KIF23: variants seen among roughly 807,000 people sequenced by gnomAD.
KIF23 encodes the protein kinesin-like protein KIF23.
KIF23 carries 30 observed loss-of-function variants against 137.5 expected under a neutral mutation model. The observed-to-expected ratio is 0.22, with a 90% confidence interval of 0.16 to 0.30. The LOEUF (loss-of-function observed/expected upper bound fraction) is 0.30, where lower values mean the gene tolerates loss of function less well. KIF23 is among the 10% of genes least tolerant of loss of function. KIF23 has a pLI of 1.00. For missense variants in KIF23, 920 were observed against 1,194.3 expected (o/e 0.77, Z 3.38); for synonymous variants, 367 against 391.1 (o/e 0.94, Z 0.73).
chr15:69,438,043 C>T (rs1313047330), intron 15 of KIF23, among the ~76,000 whole-genome samples: 1 of 152,176 alleles, frequency 6.6e-6, no homozygotes, highest in African/African-American at 2.4e-5. Context: ...ATTTTTTCAG[C>T]ATTTAACAGA....
At chr15:69,447,296 A>G (rs1459181028) in intron 23 of KIF23, among the ~76,000 whole-genome samples, 5 of 152,150 alleles carry the variant, frequency 3.3e-5, no homozygotes, top group Non-Finnish European at 7.4e-5. Context: ...CTTTGTGTAA[A>G]TCATTGTTTC....
At position 69,417,489 on chromosome 15, in the gene KIF23, A is replaced by G. The variant is rs764133950; in HGVS notation, c.188A>G (p.Asn63Ser). 50 of 1,613,700 alleles carry G rather than the reference A, an allele frequency of 3.1e-5. No homozygotes were observed. The highest frequency in any genetic ancestry group is 4.0e-5 in the Non-Finnish European group (47 of 1,179,806). Residue 63 changes from asparagine to serine, a missense_variant, in exon 3 of 24, where the codon AAC becomes AGC. This residue lies in a region of KIF23 where 124 missense variants were observed against 122.0 expected (regional missense o/e 1.02). Transcript: ENST00000679126. ...QLHTPEGYRLNRNGDYKETQY... is the reference protein window; with the variant it reads ...QLHTPEGYRLSRNGDYKETQY... Reference sequence around the variant, plus strand: ...CATACTCCTGAGGGCTACAGACTCAACCGAAATGGAGACTATAAGGAGGTA... The same window carrying G: ...CATACTCCTGAGGGCTACAGACTCAGCCGAAATGGAGACTATAAGGAGGTA...
intron 3 of KIF23, among the ~76,000 whole-genome samples, chr15:69,419,568 A>G (rs1305367818): frequency 1.3e-5 from 2 of 152,146 alleles, no homozygotes; most frequent in Non-Finnish European, 2.9e-5. Flanking sequence ...CTCGGGTTGT[A>G]TAGACTACCC....
At chr15:69,447,065 C>T (rs2057755909) in intron 23 of KIF23, 124 bp downstream of exon 23, 1 of 928,446 alleles carries the variant, frequency 1.1e-6, no homozygotes, top group Admixed American at 1.9e-5. Context: ...TTGGTTTTCC[C>T]CTTGGACTAT....
Position 69,421,653 on chromosome 15 carries a change from T to C in KIF23, c.217T>C (p.Tyr73His). 6.2e-7 allele frequency: 1 copy of C among 1,603,232 alleles called. No homozygotes were observed. The highest frequency in any genetic ancestry group is 1.3e-5 in the African/African-American group (1 of 74,780). The change falls in exon 4 of 24, where the codon TAT becomes CAT. Residue 73 changes from tyrosine to histidine, a missense_variant. Transcript: ENST00000679126. The part of the protein sequence containing the change: ...NRNGDYKETQ[Y>H]SFKQVFGTHT... ...TTTTTTTCTCTCTCCACAGACTCAG[T>C]ATTCATTTAAACAAGTATTTGGCAC...
chr15:69,417,452 A>T lies in KIF23; in HGVS notation c.151A>T (p.Thr51Ser). 1 of 1,613,904 alleles carries T rather than the reference A, an allele frequency of 6.2e-7. No individual in the cohort carries two copies. Among genetic ancestry groups the T allele is most frequent in the Non-Finnish European group, 8.5e-7 (1 of 1,179,874 alleles). Residue 51 changes from threonine to serine, a missense_variant, in exon 3 of 24, where the codon ACT becomes TCT. Around this residue, in one of 4 missense-constraint regions of KIF23, gnomAD observed 124 missense variants for 122.0 expected, o/e 1.02. Transcript: ENST00000679126. ...ECCIEVINNT[T>S]VQLHTPEGYR... ...TTGCATAGAAGTGATCAATAATACA[A>T]CTGTTCAGCTTCATACTCCTGAGGG... is the stretch of plus-strand genomic sequence containing the variant.
chr15:69,418,545 A>G (rs982770451), intron 3 of KIF23, among the ~76,000 whole-genome samples: 4 of 152,120 alleles, frequency 2.6e-5, no homozygotes, highest in African/African-American at 9.7e-5. Flanking sequence ...CCTTATAACT[A>G]GTTCATTAGT....
Position 69,426,066 on chromosome 15 carries a change from A to G in KIF23, c.777-4A>G, listed in dbSNP as rs970861719. 3.9e-6 allele frequency: 6 copies of G among 1,558,364 alleles called. No homozygotes were observed. Among genetic ancestry groups the G allele is most frequent in the African/African-American group, 1.4e-5 (1 of 71,578 alleles). ...GAGACTAATCTTTTTTTTCTTTCCCATAGACCTCCACAATCTAAATTGCTT... is the reference window on the plus strand; with the variant it reads ...GAGACTAATCTTTTTTTTCTTTCCCGTAGACCTCCACAATCTAAATTGCTT... On this transcript the variant is annotated splice_region_variant and splice_polypyrimidine_tract_variant and intron_variant, in intron 8 of 23. Coordinates refer to ENST00000679126, the MANE Select transcript of KIF23 (RefSeq NM_001367805.3).
rs778957788 is a variant in KIF23, at chr15:69,444,600, A to C, written c.2422-190A>C. ...AGGGAAACTCCCAGATAGAATGTGT[A>C]ACATACAAGTTGGTGTTAAAGATGT... On this transcript the variant is annotated intron_variant, in intron 19 of 23. Transcript: ENST00000679126. The surrounding 1 kb of genome is among the most constrained non-coding windows in gnomAD (Gnocchi z 4.2). The C allele has an allele frequency of 1.4e-5, 8 of 589,714 alleles. No individual in the cohort carries two copies. Among genetic ancestry groups the C allele is most frequent in the Non-Finnish European group, 2.0e-5 (7 of 345,350 alleles). 36.5% of individuals were successfully genotyped at this position (589,714 alleles called of 1,614,324 possible).
At position 69,436,579 on chromosome 15, in the gene KIF23, A is replaced by G. The variant is rs200373079; in HGVS notation, c.1454A>G (p.Asp485Gly). 54 of 1,608,214 alleles carry G rather than the reference A, an allele frequency of 3.4e-5. No homozygotes were observed. Among genetic ancestry groups the G allele is most frequent in the Non-Finnish European group, 4.5e-5 (53 of 1,177,714 alleles). The change falls in exon 15 of 24, where the codon GAC (aspartate) becomes GGC (glycine). Residue 485 changes from aspartate (D) to glycine (G), a missense_variant. Asp to Gly is a moderately conservative substitution (Grantham distance 94, BLOSUM62 -1). This residue lies in a region of KIF23 where 714 missense variants were observed against 866.2 expected (regional missense o/e 0.82). Transcript: ENST00000679126. ...GPVGNEPLVT[D>G]VVLQSFPPLP... ...TTCAATACAGAACCATTGGTTACTG[A>G]CGTGGTTTTGCAGAGTTTTCCACCT...
chr15:69,434,580 C>T, intron 11 of KIF23: 1 of 1,158,210 alleles, frequency 8.6e-7, no homozygotes, highest in South Asian at 1.2e-5. Flanking sequence ...GTCAAGATAA[C>T]ATCTCCTTCT....
intron 6 of KIF23, 54 bp downstream of exon 6, chr15:69,422,489 T>C (rs1361579941): frequency 5.8e-6 from 6 of 1,029,606 alleles, no homozygotes; most frequent in Non-Finnish European, 9.1e-6. Flanking sequence ...GATTCTTTCC[T>C]GTGGTTTGCC....
At chr15:69,446,165 G>C in intron 21 of KIF23, 74 bp downstream of exon 21, 1 of 1,445,214 alleles carries the variant, frequency 6.9e-7, no homozygotes, top group Non-Finnish European at 9.7e-7. Context: ...GAACAGAATA[G>C]CCTGTGAAAT....
rs780846631 is a variant in KIF23 at position 69,441,028 on chromosome 15, G to A, written c.2370G>A (p.Val790=). 33 of 1,613,836 alleles carry A rather than the reference G, an allele frequency of 2.0e-5. No individual in the cohort carries two copies. Among genetic ancestry groups the A allele is most frequent in the Non-Finnish European group, 2.6e-5 (31 of 1,179,888 alleles). ...RGMYWTEGRE[V]VPTFRNEIEI... is the part of the protein sequence containing the mutation. ...TGTACTGGACTGAAGGCAGGGAGGT[G>A]GTTCCTACATTCAGAAATGAGATAG... Residue 790 remains valine (V), a synonymous_variant, in exon 19 of 24, where the codon GTG becomes GTA. Coordinates refer to ENST00000679126, the MANE Select transcript of KIF23 (RefSeq NM_001367805.3).
chr15:69,440,170 T>A, intron 17 of KIF23, 93 bp downstream of exon 17: 3 of 1,512,914 alleles, frequency 2.0e-6, no homozygotes, highest in Non-Finnish European at 2.7e-6. Context: ...GTATTTGCGG[T>A]AGGGTTTTGG....
chr15:69,444,377 C>G lies in KIF23; in HGVS notation c.2422-413C>G, dbSNP rs1036992227. ...GATTGTTTTCTGTTTTGTTTAGAAG[C>G]CTAGAAAATGTGTAGGGCTTTCATT... On this transcript the variant is annotated intron_variant, in intron 19 of 23. Coordinates refer to ENST00000679126, the MANE Select transcript of KIF23 (RefSeq NM_001367805.3). The surrounding 1 kb of genome is among the most constrained non-coding windows in gnomAD (Gnocchi z 4.2). The G allele has an allele frequency of 6.4e-6, 1 of 156,576 alleles. No individual in the cohort carries two copies. Among genetic ancestry groups the G allele is most frequent in the Admixed American group, 6.4e-5 (1 of 15,540 alleles). The allele number at this position is 156,576 out of a possible 1,614,324, so 9.7% of individuals were successfully genotyped here. A position where few individuals can be genotyped will look rare whatever the true frequency, so the allele number is the denominator to read the frequency against.
Position 69,421,670 on chromosome 15 carries a change from A to G in KIF23, c.234A>G (p.Val78=). 1 of 1,613,050 alleles carries G rather than the reference A, an allele frequency of 6.2e-7. No individual in the cohort carries two copies. The highest frequency in any genetic ancestry group is 8.5e-7 in the Non-Finnish European group (1 of 1,179,100). Residue 78 remains valine, a synonymous_variant, in exon 4 of 24, where the codon GTA becomes GTG. Coordinates refer to ENST00000679126, the MANE Select transcript of KIF23 (RefSeq NM_001367805.3). ...AGACTCAGTATTCATTTAAACAAGT[A>G]TTTGGCACTCACACCACCCAGAAGG... The part of the protein sequence containing the change: ...YKETQYSFKQ[V]FGTHTTQKEL...
chr15:69,438,120 C>T (rs1250546969), intron 15 of KIF23, 128 bp from the exon 16 acceptor site: 4 of 770,882 alleles, frequency 5.2e-6, no homozygotes, highest in South Asian at 2.0e-5. Flanking sequence ...CTTGTTTTCT[C>T]ATTATAGACT....
At chr15:69,435,253 C>T in intron 11 of KIF23, 1 of 529,448 alleles carries the variant, frequency 1.9e-6, no homozygotes, top group South Asian at 3.0e-5. Context: ...TGTGGAAAAT[C>T]CTGTTGGTAG....
Sources: allele counts gnomAD v4.1 joint callset (sites outside exome capture counted in the v4.1 genomes callset), GRCh38; gene constraint gnomAD v4.1.1; regional missense constraint gnomAD v4.1.1; non-coding constraint Gnocchi (gnomAD v3.1); transcripts MANE v1.5; gene names NCBI Gene and HGNC (gene_info 2026-07-23, HGNC 2026-07-21).